The following CTSA variants were observed in gnomAD, a reference collection of about 807,000 sequenced individuals.
CTSA encodes the protein lysosomal protective protein.
CTSA carries 42 observed loss-of-function variants against 66.7 expected under a neutral mutation model. The ratio of observed to expected loss-of-function variants is 0.63; its 90% CI spans 0.49 to 0.81. The LOEUF (loss-of-function observed/expected upper bound fraction) is 0.81. Ranked by LOEUF, CTSA falls within the 40% of genes least tolerant of loss-of-function variation. The pLI is 0.00. For missense variants in CTSA, 525 were observed against 610.9 expected, an observed-to-expected ratio of 0.86 and a Z score of 1.48; for synonymous variants, 225 against 248.6, an observed-to-expected ratio of 0.91 and a Z score of 0.89.
chr20:45,891,560 C>G lies in CTSA; in HGVS notation c.1-9C>G, dbSNP rs1281752513. 6.2e-7 allele frequency: 1 copy of G among 1,602,026 alleles called. No individual in the cohort carries two copies. The highest frequency in any genetic ancestry group is 1.3e-5 in the African/African-American group (1 of 74,598). On this transcript the variant is annotated splice_polypyrimidine_tract_variant and intron_variant, in intron 1 of 14. Coordinates refer to ENST00000646241, the MANE Select transcript of CTSA (RefSeq NM_000308.4). The surrounding 1 kb of genome is among the most constrained non-coding windows in gnomAD (Gnocchi z 4.6). ...AGCGAGTCAACAGCCCCTCTGCTGC[C>G]TCCCGTAGATGATCCGAGCCGCGCC... is the stretch of plus-strand genomic sequence containing the variant.
Position 45,891,823 on chromosome 20 carries a change from G to T in CTSA, c.194+61G>T, listed in dbSNP as rs945108230. ...AGAGATGACGGATGAGGGATGGGGG[G>T]TAGTTCTGCAGACCCCTGAGGATGC... On this transcript the variant is annotated intron_variant, in intron 2 of 14. Coordinates refer to ENST00000646241, the MANE Select transcript of CTSA (RefSeq NM_000308.4). This position sits in a 1 kb window ranked among gnomAD's most constrained non-coding sequence, Gnocchi z 4.6. The T allele has an allele frequency of 1.2e-6, 2 of 1,611,140 alleles. No individual in the cohort carries two copies. The highest frequency in any genetic ancestry group is 1.7e-6 in the Non-Finnish European group (2 of 1,177,404).
Position 45,894,731 on chromosome 20 carries a change from A to G in CTSA, c.859A>G (p.Ser287Gly). The G allele has an allele frequency of 6.2e-7, 1 of 1,614,140 alleles. No individual in the cohort carries two copies. The highest frequency in any genetic ancestry group is 8.5e-7 in the Non-Finnish European group (1 of 1,180,020). Reference sequence around the variant, plus strand: ...TGCCCCGTGTGCTGGAGGGGTGCCCAGCCATTTTAGGTAGGTGCTGCTGGG... The same window carrying G: ...TGCCCCGTGTGCTGGAGGGGTGCCCGGCCATTTTAGGTAGGTGCTGCTGGG... The part of the protein sequence containing the change: ...LYAPCAGGVP[S>G]HFRYEKDTVV... The change falls in exon 9 of 15, where the codon AGC (serine) becomes GGC (glycine). Residue 287 changes from serine (S) to glycine (G), a missense_variant. Physicochemically the swap from Ser to Gly is moderately conservative, Grantham distance 56. Around this residue, in one of 3 missense-constraint regions of CTSA, gnomAD observed 274 missense variants for 321.1 expected, o/e 0.85. Coordinates refer to ENST00000646241, the MANE Select transcript of CTSA (RefSeq NM_000308.4).
At position 45,895,043 on chromosome 20, in the gene CTSA, A is replaced by G. The variant is rs1350738725; in HGVS notation, c.998A>G (p.Asn333Ser). Residue 333 changes from asparagine to serine, a missense_variant, in exon 11 of 15, where the codon AAC (asparagine) becomes AGC (serine). By Grantham distance (46) the Asn-to-Ser change is conservative (BLOSUM62 1). Transcript: ENST00000646241. ...DKVRMDPPCT[N>S]TTAASTYLNN... ...GTGCGCATGGACCCCCCCTGCACCA[A>G]CACAACAGCTGCTTCCACCTACCTC... The G allele has an allele frequency of 3.7e-6, 6 of 1,614,154 alleles. No homozygotes were observed. In the Admixed American group the frequency reaches 5.0e-5, roughly 13 times the overall value.
chr20:45,892,354 A>C (rs1987004930), intron 4 of CTSA, 31 bp downstream of exon 4: 1 of 1,613,898 alleles, frequency 6.2e-7, no homozygotes, highest in Admixed American at 1.7e-5. Context: ...GTGTCTGGGC[A>C]CTTGGATGGG....
chr20:45,897,358 T>C, intron 12 of CTSA: 2 of 504,826 alleles, frequency 4.0e-6, no homozygotes. Context: ...TAGGAAGCAC[T>C]GGCAGGGCCA....
intron 11 of CTSA, 151 bp downstream of exon 11, chr20:45,895,284 TGAGA>T: frequency 1.2e-6 from 1 of 866,644 alleles, no homozygotes; most frequent in Non-Finnish European, 1.8e-6. Flanking sequence ...CTCAGTGGAT[TGAGA>T]GTCAGCCAAT....
At chr20:45,897,127 C>A in intron 12 of CTSA, 87 bp downstream of exon 12, 1 of 1,074,028 alleles carries the variant, frequency 9.3e-7, no homozygotes, top group South Asian at 1.2e-5. Flanking sequence ...GACTTCCTGT[C>A]AGGACAAGGG....
chr20:45,891,345 C>T lies in CTSA; in HGVS notation c.-35C>T. ...GTACACATGACTTCCAGTCCCCGGG[C>T]GCCTCCTGGAGAGCAAGGACGCGGG... On this transcript the variant is annotated 5_prime_UTR_variant, in exon 1 of 15. Coordinates refer to ENST00000646241, the MANE Select transcript of CTSA (RefSeq NM_000308.4). This position sits in a 1 kb window ranked among gnomAD's most constrained non-coding sequence, Gnocchi z 4.6. 6.4e-7 allele frequency: 1 copy of T among 1,570,806 alleles called. No homozygotes were observed. The highest frequency in any genetic ancestry group is 2.3e-5 in the East Asian group (1 of 42,778).
Position 45,893,264 on chromosome 20 carries a change from C to G in CTSA, c.645C>G (p.Asp215Glu). The G allele has an allele frequency of 6.2e-7, 1 of 1,614,110 alleles. No homozygotes were observed. The highest frequency in any genetic ancestry group is 8.5e-7 in the Non-Finnish European group (1 of 1,180,018). The change falls in exon 7 of 15, where the codon GAC (aspartate) becomes GAG (glutamate). Residue 215 changes from aspartate (D) to glutamate (E), a missense_variant. Transcript: ENST00000646241. The stretch of plus-strand genomic sequence containing the variant: ...GACTCTCCTCCTATGAGCAGAATGA[C>G]AACTCCCTGGTCTACTTTGCCTACT... ...GNGLSSYEQN[D>E]NSLVYFAYYH...
chr20:45,891,405 G>A lies in CTSA; in HGVS notation c.-1+26G>A, dbSNP rs1340180730. 1.3e-6 allele frequency: 2 copies of A among 1,560,872 alleles called. No individual in the cohort carries two copies. The highest frequency in any genetic ancestry group is 1.7e-6 in the Non-Finnish European group (2 of 1,153,392). On this transcript the variant is annotated intron_variant, in intron 1 of 14. Coordinates refer to ENST00000646241, the MANE Select transcript of CTSA (RefSeq NM_000308.4). The surrounding 1 kb of genome is among the most constrained non-coding windows in gnomAD (Gnocchi z 4.6). ...GTGAGCTGGCACCGGAGGCTGGAGG[G>A]GATCCCCGAGCCCGGGATCGGTGCG...
rs745752655 is a variant in CTSA at position 45,894,064 on chromosome 20, G to T, written c.769G>T (p.Val257Leu). 1.9e-6 allele frequency: 3 copies of T among 1,605,668 alleles called. No individual in the cohort carries two copies. The highest frequency in any genetic ancestry group is 2.6e-6 in the Non-Finnish European group (3 of 1,172,564). ...CTATGACAACAAAGACCTGGAATGC[G>T]TGACCAATGTGAGGTTCTGCCATCA... The part of the protein sequence containing the change: ...NFYDNKDLEC[V>L]TNLQEVARIV... Residue 257 changes from valine (V) to leucine (L), a missense_variant, in exon 8 of 15, where the codon GTG becomes TTG. By Grantham distance (32) the Val-to-Leu change is conservative. Coordinates refer to ENST00000646241, the MANE Select transcript of CTSA (RefSeq NM_000308.4).
chr20:45,893,039 G>A (rs1987056231), intron 6 of CTSA, 159 bp downstream of exon 6: 2 of 981,780 alleles, frequency 2.0e-6, no homozygotes, highest in South Asian at 1.4e-5. Context: ...CTCCCACACA[G>A]GAAACTCACC....
intron 13 of CTSA, 62 bp from the exon 14 acceptor site, chr20:45,897,943 T>C: frequency 1.3e-6 from 2 of 1,587,072 alleles, no homozygotes; most frequent in Admixed American, 1.7e-5. Context: ...CCCTAAGGTC[T>C]TGCTGGTAGC....
chr20:45,891,780 C>G lies in CTSA; in HGVS notation c.194+18C>G. ...CACTACTGGTCTGCCGCCCTGCCTT[C>G]TGGGCGGGATTGGGAGAAGAGATGA... On this transcript the variant is annotated intron_variant, in intron 2 of 14. Transcript: ENST00000646241. The surrounding 1 kb of genome is among the most constrained non-coding windows in gnomAD (Gnocchi z 4.6). The G allele has an allele frequency of 1.2e-6, 2 of 1,613,888 alleles. No homozygotes were observed. The highest frequency in any genetic ancestry group is 1.7e-6 in the Non-Finnish European group (2 of 1,180,012).
At chr20:45,897,461 T>G in intron 12 of CTSA, 1 of 518,190 alleles carries the variant, frequency 1.9e-6, no homozygotes, top group Non-Finnish European at 3.5e-6. Context: ...AGCCACATAA[T>G]CTTGGGCAAA....
chr20:45,893,369 T>TCTGTCCTCCAGGCACATGATA, intron 7 of CTSA, 58 bp downstream of exon 7: 1 of 1,279,248 alleles, frequency 7.8e-7, no homozygotes, highest in Non-Finnish European at 1.1e-6. Flanking sequence ...TGATCTCAGG[T>TCTGTCCTCCAGGCACATGATA]CTGTCCTCCA....
chr20:45,891,611 CT>C lies in CTSA; in HGVS notation c.44del (p.Leu15ArgfsTer5), dbSNP rs770831518. ...APPPLFLLLL[L>X]LLLLVSWASR... ...GCCGCCGCTGTTCCTGCTGCTGCTG[CT>C]GCTGCTGCTGCTAGTGTCCTGGGCG... On this transcript the variant is annotated frameshift_variant, in exon 2 of 15. Transcript: ENST00000646241. LOFTEE classifies it high-confidence loss of function. The surrounding 1 kb of genome is among the most constrained non-coding windows in gnomAD (Gnocchi z 4.6). 3 of 1,609,770 alleles carry C rather than the reference CT, an allele frequency of 1.9e-6. No homozygotes were observed. The South Asian group carries it at 3.3e-5, about 18-fold the overall frequency.
chr20:45,891,735 G>C lies in CTSA; in HGVS notation c.167G>C (p.Gly56Ala), dbSNP rs770967656. 1 of 1,613,730 alleles carries C rather than the reference G, an allele frequency of 6.2e-7. No individual in the cohort carries two copies. The highest frequency in any genetic ancestry group is 1.1e-5 in the South Asian group (1 of 91,088). Residue 56 changes from glycine to alanine, a missense_variant, in exon 2 of 15, where the codon GGC becomes GCC. This residue lies in a region of CTSA where 246 missense variants were observed against 267.4 expected (regional missense o/e 0.92). Coordinates refer to ENST00000646241, the MANE Select transcript of CTSA (RefSeq NM_000308.4). This position sits in a 1 kb window ranked among gnomAD's most constrained non-coding sequence, Gnocchi z 4.6. ...SFRQYSGYLK[G>A]SGSKHLHYWF... ...CGCCAGTACTCCGGCTACCTCAAAG[G>C]CTCCGGCTCCAAGCACCTCCACTAC...
Position 45,898,272 on chromosome 20 carries a change from TA to T in CTSA, c.1360-92del. On this transcript the variant is annotated intron_variant, in intron 14 of 14. Coordinates refer to ENST00000646241, the MANE Select transcript of CTSA (RefSeq NM_000308.4). This position sits in a 1 kb window ranked among gnomAD's most constrained non-coding sequence, Gnocchi z 4.6. ...GGGGTGGGGAGGGTTCTGGGAAGAA[TA>T]AAGGGTTTGGGATGAAGGAATTGCC... The T allele has an allele frequency of 7.4e-7, 1 of 1,358,164 alleles. No individual in the cohort carries two copies. The highest frequency in any genetic ancestry group is 1.0e-6 in the Non-Finnish European group (1 of 966,892). 84.1% of individuals were successfully genotyped at this position (1,358,164 alleles called of 1,614,324 possible). A position where few individuals can be genotyped will look rare whatever the true frequency, so the allele number is the denominator to read the frequency against.
Sources: allele counts gnomAD v4.1 joint callset, GRCh38; gene constraint gnomAD v4.1.1; regional missense constraint gnomAD v4.1.1; non-coding constraint Gnocchi (gnomAD v3.1); transcripts MANE v1.5; gene names NCBI Gene and HGNC (gene_info 2026-07-23, HGNC 2026-07-21).